Variants in DACH1 observed in about 807,000 individuals in gnomAD.
DACH1 encodes dachshund homolog 1.
In DACH1, 12 loss-of-function variants were observed where a neutral mutation model predicts 54.2. That is an observed-to-expected ratio of 0.22 (90% CI 0.14 to 0.36). The LOEUF is 0.36. Among genes scored for constraint, DACH1 ranks in the 10% least tolerant of loss-of-function variants. The probability of loss-of-function intolerance (pLI) is 1.00; values close to 1 mark genes in which losing one functional copy is unlikely to be tolerated. For missense variants in DACH1, 805 were observed against 929.8 expected (o/e 0.87, Z 1.75); for synonymous variants, 386 against 366.2 (o/e 1.05, Z -0.62).
chr13:71,779,220 TATATACGTATATATACACATATATAC>T (rs1886241709), intron 1 of DACH1, among the ~76,000 whole-genome samples: 3 of 102,544 alleles, frequency 2.9e-5, no homozygotes, highest in African/African-American at 1.5e-4. Flanking sequence ...TATATATACG[TATATACGTATATATACACATATATAC>T]GTATATACGT....
At chr13:71,663,465 C>G (rs1272048885) in intron 2 of DACH1, among the ~76,000 whole-genome samples, 2 of 151,920 alleles carry the variant, frequency 1.3e-5, no homozygotes, top group African/African-American at 4.8e-5. Flanking sequence ...AGGTGAAAAA[C>G]ATGCAACAGA....
chr13:71,725,792 A>G (rs1056570944), intron 1 of DACH1, among the ~76,000 whole-genome samples: 1 of 152,142 alleles, frequency 6.6e-6, no homozygotes, highest in Non-Finnish European at 1.5e-5. Flanking sequence ...TACAGTATTA[A>G]AAAATATGAG....
intron 2 of DACH1, among the ~76,000 whole-genome samples, chr13:71,634,921 A>G (rs906296443): frequency 2.0e-5 from 3 of 152,246 alleles, no homozygotes; most frequent in East Asian, 1.9e-4. Context: ...CCAGTAGAGA[A>G]AAACAGTCTC....
chr13:71,741,321 G>A (rs1163548285), intron 1 of DACH1, among the ~76,000 whole-genome samples: 1 of 152,166 alleles, frequency 6.6e-6, no homozygotes, highest in Non-Finnish European at 1.5e-5. Flanking sequence ...ACAAGGAAAT[G>A]CCTTATCAGA....
At chr13:71,780,521 T>A (rs930156361) in intron 1 of DACH1, among the ~76,000 whole-genome samples, 3 of 152,030 alleles carry the variant, frequency 2.0e-5, no homozygotes, top group African/African-American at 7.3e-5. Context: ...TTTTGAAAAT[T>A]AGCTACAAGT....
At position 71,674,440 on chromosome 13, in the gene DACH1, TACACACACACAC is replaced by T. The variant is rs57078245; in HGVS notation, c.964+7343_964+7354del. 9.1e-3 allele frequency among the ~76,000 whole-genome samples: 1,279 copies of T among 141,128 alleles called. 20 individuals carry two copies. Among genetic ancestry groups the T allele is most frequent in the African/African-American group, 0.031 (1,153 of 37,748 alleles). 92.6% of individuals were successfully genotyped at this position (141,128 alleles called of 152,430 possible). The stretch of plus-strand genomic sequence containing the variant: ...TTAAAAGAGAGTCAGAGGGAGATTT[TACACACACACAC>T]ACACACACACACACACACACACACA... On this transcript the variant is annotated intron_variant, in intron 2 of 10. Transcript: ENST00000613252.
intron 6 of DACH1, among the ~76,000 whole-genome samples, chr13:71,513,236 A>C (rs1167899425): frequency 6.6e-6 from 1 of 151,986 alleles, no homozygotes; most frequent in African/African-American, 2.4e-5. Flanking sequence ...TGTTTATACT[A>C]ATAATTGGCT....
intron 6 of DACH1, among the ~76,000 whole-genome samples, chr13:71,544,665 G>A (rs1883344788): frequency 6.6e-6 from 1 of 152,054 alleles, no homozygotes; most frequent in Non-Finnish European, 1.5e-5. Context: ...TAATTGAACA[G>A]ATAAATCATT....
At chr13:71,603,252 C>T (rs1306013691) in intron 3 of DACH1, among the ~76,000 whole-genome samples, 1 of 151,884 alleles carries the variant, frequency 6.6e-6, no homozygotes, top group Non-Finnish European at 1.5e-5. Flanking sequence ...GACATGTATA[C>T]CAATGGTGGA....
chr13:71,840,265 A>T (rs1888965193), intron 1 of DACH1, among the ~76,000 whole-genome samples: 1 of 152,146 alleles, frequency 6.6e-6, no homozygotes, highest in African/African-American at 2.4e-5. Flanking sequence ...TTAATTATTT[A>T]AAACTGATTA....
chr13:71,464,734 C>G (rs1215193701), intron 10 of DACH1: 1 of 454,226 alleles, frequency 2.2e-6, no homozygotes, highest in Non-Finnish European at 4.4e-6. Context: ...AATCTTGCAG[C>G]TAAGAACTTT....
intron 1 of DACH1, among the ~76,000 whole-genome samples, chr13:71,752,536 G>GGAATTT (rs1884975171): frequency 2.0e-5 from 3 of 148,592 alleles, no homozygotes; most frequent in Non-Finnish European, 3.0e-5. Context: ...CTTAGCTATA[G>GGAATTT]CTGAAATTAT....
intron 10 of DACH1, among the ~76,000 whole-genome samples, chr13:71,449,590 T>C (rs1422609882): frequency 2.6e-5 from 4 of 151,630 alleles, no homozygotes; most frequent in Admixed American, 2.6e-4. Context: ...GCTTAAAACC[T>C]AGATGATGGG....
At chr13:71,669,410 T>C (rs540313422) in intron 2 of DACH1, among the ~76,000 whole-genome samples, 1 of 152,306 alleles carries the variant, frequency 6.6e-6, no homozygotes, top group Admixed American at 6.5e-5. Flanking sequence ...GTATGTTCCT[T>C]ATGAGAATCT....
At chr13:71,718,608 C>T (rs1883093749) in intron 1 of DACH1, among the ~76,000 whole-genome samples, 1 of 150,996 alleles carries the variant, frequency 6.6e-6, no homozygotes, top group South Asian at 2.1e-4. Flanking sequence ...ATCTCTTTCT[C>T]CCAGATCCTT....
At chr13:71,605,590 T>C (rs1423326031) in intron 3 of DACH1, among the ~76,000 whole-genome samples, 2 of 152,000 alleles carry the variant, frequency 1.3e-5, no homozygotes, top group African/African-American at 2.4e-5. Context: ...ACATGTATGC[T>C]TATATCATTT....
At chr13:71,513,215 C>A (rs750541109) in intron 6 of DACH1, among the ~76,000 whole-genome samples, 1 of 151,900 alleles carries the variant, frequency 6.6e-6, no homozygotes, top group Non-Finnish European at 1.5e-5. Context: ...TAAACATGCT[C>A]ATTGTCATCT....
chr13:71,757,956 C>T (rs1017986039), intron 1 of DACH1, among the ~76,000 whole-genome samples: 3 of 151,996 alleles, frequency 2.0e-5, no homozygotes, highest in Admixed American at 6.6e-5. Flanking sequence ...AAATTATGGA[C>T]TTAATTTACA....
rs557863625 is a variant in DACH1, at chr13:71,676,672, T to A, written c.964+5123A>T. Among the ~76,000 whole-genome samples the A allele has an allele frequency of 2.4e-4, 37 of 152,336 alleles. 1 individual carries two copies. In the South Asian group the frequency reaches 7.7e-3, roughly 32 times the overall value. On this transcript the variant is annotated intron_variant, in intron 2 of 10. Transcript: ENST00000613252. The stretch of plus-strand genomic sequence containing the variant: ...AAAGAAAATTAAATTTGAAATATGT[T>A]TATGAATTCACTACATGAGAACATT...
Sources: allele counts gnomAD v4.1 joint callset (sites outside exome capture counted in the v4.1 genomes callset), GRCh38; gene constraint gnomAD v4.1.1; transcripts MANE v1.5; gene names NCBI Gene and HGNC (gene_info 2026-07-23, HGNC 2026-07-21).